The following CD36 variants were observed in gnomAD, a reference collection of about 807,000 sequenced individuals.
The protein encoded by CD36 is platelet glycoprotein 4.
Under a neutral mutation model 55.2 loss-of-function variants are expected in CD36, and 119 were observed. The ratio of observed to expected loss-of-function variants is 2.15; its 90% CI spans 1.86 to 2.51. The LOEUF is 2.51. CD36 is among the 30% of genes most tolerant of loss of function. CD36 has a pLI of 0.00. For missense variants in CD36, 819 were observed against 555.5 expected (o/e 1.47, Z -4.77); for synonymous variants, 186 against 193.6 (o/e 0.96, Z 0.33).
At chr7:80,649,432 T>C (rs1370905415) in intron 3 of CD36, among the ~76,000 whole-genome samples, 1 of 151,996 alleles carries the variant, frequency 6.6e-6, no homozygotes, top group East Asian at 1.9e-4. Context: ...TAGAAAGATA[T>C]TTGCATAATC....
At chr7:80,652,783 G>A (rs1204796135) in intron 3 of CD36, among the ~76,000 whole-genome samples, 1 of 152,120 alleles carries the variant, frequency 6.6e-6, no homozygotes, top group African/African-American at 2.4e-5. Flanking sequence ...GAAGTAAATG[G>A]TATTAGAGTT....
chr7:80,674,076 A>T lies in CD36; in HGVS notation c.1348A>T (p.Ser450Cys). Residue 450 changes from serine to cysteine, a missense_variant, in exon 14 of 15, where the codon AGT (serine) becomes TGT (cysteine). Transcript: ENST00000447544. ...TGGCCTGATAGAAATGATCTTACTC[A>T]GTGTTGGTGTGGTGATGTTTGTTGC... Reference protein sequence around the residue: ...LLGLIEMILLSVGVVMFVAFM... With the variant: ...LLGLIEMILLCVGVVMFVAFM... 2 of 1,611,830 alleles carry T rather than the reference A, an allele frequency of 1.2e-6. No homozygotes were observed. The highest frequency in any genetic ancestry group is 1.7e-6 in the Non-Finnish European group (2 of 1,178,398).
chr7:80,671,890 A>C, intron 10 of CD36, 32 bp from the exon 11 acceptor site: 2 of 1,599,214 alleles, frequency 1.3e-6, no homozygotes, highest in Non-Finnish European at 1.7e-6. Flanking sequence ...GGAAGTTATT[A>C]ATTCCAATTG....
At chr7:80,647,056 A>T (rs1460654109) in intron 3 of CD36, 196 bp downstream of exon 3, 2 of 555,820 alleles carry the variant, frequency 3.6e-6, no homozygotes, top group Non-Finnish European at 3.2e-6. Context: ...TATATTTAAC[A>T]TGACTCCATT....
chr7:80,673,008 C>G, intron 12 of CD36, 165 bp downstream of exon 12: 1 of 630,208 alleles, frequency 1.6e-6, no homozygotes, highest in South Asian at 2.0e-5. Context: ...ACTAATTTCA[C>G]AGATTTTGGA....
At chr7:80,662,463 A>G in intron 5 of CD36, 2 of 260,758 alleles carry the variant, frequency 7.7e-6, no homozygotes, top group South Asian at 1.2e-4. Flanking sequence ...TGGTCAGGTC[A>G]CTGGCAGAGA....
Position 80,656,683 on chromosome 7 carries a change from A to T in CD36, c.264A>T (p.Arg88Ser), listed in dbSNP as rs1481852991. The stretch of plus-strand genomic sequence containing the variant: ...GCAGCAACATTCAAGTTAAGCAAAG[A>T]GGTCCTTATACGTACAGGTGAGTGA... ...MNSSNIQVKQ[R>S]GPYTYRVRFL... Residue 88 changes from arginine to serine, a missense_variant, in exon 4 of 15, where the codon AGA (arginine) becomes AGT (serine). Arg to Ser is a moderately radical substitution (Grantham distance 110). Transcript: ENST00000447544. 34 of 1,613,550 alleles carry T rather than the reference A, an allele frequency of 2.1e-5. No homozygotes were observed. The highest frequency in any genetic ancestry group is 2.9e-5 in the Non-Finnish European group (34 of 1,179,728).
Position 80,677,831 on chromosome 7 carries a change from A to G in CD36, c.*1448A>G, listed in dbSNP as rs968873741. The G allele has an allele frequency of 1.3e-5, 2 of 152,156 alleles. No homozygotes were observed. The highest frequency in any genetic ancestry group is 6.5e-5 in the Admixed American group (1 of 15,278). 9.4% of individuals were successfully genotyped at this position (152,156 alleles called of 1,614,324 possible). On this transcript the variant is annotated 3_prime_UTR_variant, in exon 15 of 15. Coordinates refer to ENST00000447544, the MANE Select transcript of CD36 (RefSeq NM_001001548.3). ...GACCTGTATATTATGACTAATCATGACTCAGATCTTAATACAGGGATGATC... is the reference window on the plus strand; with the variant it reads ...GACCTGTATATTATGACTAATCATGGCTCAGATCTTAATACAGGGATGATC...
At chr7:80,639,586 G>T (rs1196194571) in intron 1 of CD36, among the ~76,000 whole-genome samples, 3 of 151,866 alleles carry the variant, frequency 2.0e-5, no homozygotes, top group African/African-American at 7.2e-5. Flanking sequence ...AAATTCTCTA[G>T]AGTACATCCC....
At chr7:80,646,275 A>T (rs1795160062) in intron 2 of CD36, 94 bp downstream of exon 2, 1 of 192,932 alleles carries the variant, frequency 5.2e-6, no homozygotes, top group African/African-American at 2.3e-5. Flanking sequence ...AGAGCTCCAG[A>T]AGGGGTGTGG....
At chr7:80,653,863 T>G (rs1297824879) in intron 3 of CD36, among the ~76,000 whole-genome samples, 1 of 152,290 alleles carries the variant, frequency 6.6e-6, no homozygotes, top group African/African-American at 2.4e-5. Context: ...TATTTTTCTC[T>G]ATGTCTCTAA....
At chr7:80,661,345 A>G (rs1245715489) in intron 5 of CD36, 135 bp downstream of exon 5, 1 of 798,576 alleles carries the variant, frequency 1.3e-6, no homozygotes, top group Non-Finnish European at 2.0e-6. Context: ...ATTATTTTGA[A>G]TGGAGGCATG....
At chr7:80,657,744 A>G (rs1384890662) in intron 4 of CD36, among the ~76,000 whole-genome samples, 2 of 152,220 alleles carry the variant, frequency 1.3e-5, no homozygotes, top group African/African-American at 4.8e-5. Flanking sequence ...TATGGTATCC[A>G]TATGGAAACA....
intron 1 of CD36, among the ~76,000 whole-genome samples, chr7:80,645,876 C>A (rs893948193): frequency 6.6e-6 from 1 of 152,046 alleles, no homozygotes. Context: ...TATCCAAAGT[C>A]ATCAATAAAA....
rs1797836073 is a variant in CD36 at position 80,672,820 on chromosome 7, G to GGTC, written c.1177_1179dup (p.Val393dup). The GGTC allele has an allele frequency of 6.2e-7, 1 of 1,610,486 alleles. No individual in the cohort carries two copies. The highest frequency in any genetic ancestry group is 8.5e-7 in the Non-Finnish European group (1 of 1,177,742). Reference sequence around the variant, plus strand: ...CAAAACGGCTGCAGGTCAACCTATTGGTCAAGCCATCAGAAAAAATTCAGT... The same window carrying GGTC: ...CAAAACGGCTGCAGGTCAACCTATTGGTCGTCAAGCCATCAGAAAAAATTCAGT... On this transcript the variant is annotated inframe_insertion, in exon 12 of 15. Coordinates refer to ENST00000447544, the MANE Select transcript of CD36 (RefSeq NM_001001548.3).
chr7:80,641,094 GCA>G (rs1159950059), intron 1 of CD36, among the ~76,000 whole-genome samples: 1 of 152,012 alleles, frequency 6.6e-6, no homozygotes, highest in Non-Finnish European at 1.5e-5. Context: ...AAGGGAAGAG[GCA>G]CAGTTTCTGC....
upstream of CD36, among the ~76,000 whole-genome samples, chr7:80,634,281 C>T (rs1794256940): frequency 6.6e-6 from 1 of 151,996 alleles, no homozygotes; most frequent in Admixed American, 6.6e-5. Flanking sequence ...GTATGATCAT[C>T]TTCATTGTTC....
intron 3 of CD36, among the ~76,000 whole-genome samples, chr7:80,655,920 C>CAA (rs111330088): frequency 6.2e-4 from 59 of 95,458 alleles, no homozygotes; most frequent in African/African-American, 1.9e-3. Context: ...TATCTTGTCT[C>CAA]AAAAAAAAAA....
chr7:80,664,878 C>CTGAT (rs908661895), intron 7 of CD36, among the ~76,000 whole-genome samples: 4 of 148,334 alleles, frequency 2.7e-5, no homozygotes, highest in South Asian at 2.1e-4. Context: ...AACACATCAA[C>CTGAT]TGATTGTGTA....
Sources: gnomAD v4.1 joint callset for allele counts (sites outside exome capture counted in the v4.1 genomes callset) on GRCh38, gnomAD v4.1.1 for gene constraint, MANE v1.5 for transcripts, NCBI Gene and HGNC (gene_info 2026-07-23, HGNC 2026-07-21) for gene names.